The following KCNMB2 variants were observed in gnomAD, a reference collection of about 807,000 sequenced individuals.
The protein encoded by KCNMB2 is potassium calcium-activated channel subfamily M regulatory beta subunit 2.
A neutral mutation model predicts 24.5 loss-of-function variants in KCNMB2; 9 were observed. The observed-to-expected ratio is 0.37, with a 90% CI of 0.22 to 0.64. The LOEUF is 0.64. KCNMB2 is among the 30% of genes least tolerant of loss of function. The pLI, the probability that KCNMB2 is intolerant of heterozygous loss-of-function variation, is 0.63. For synonymous variants in KCNMB2, 109 were observed against 104.4 expected, an observed-to-expected ratio of 1.04 and a Z score of -0.27; for missense variants, 226 against 284.3, an observed-to-expected ratio of 0.79 and a Z score of 1.47.
chr3:178,756,145 G>C (rs1577152812), intron 1 of KCNMB2, among the ~76,000 whole-genome samples: 1 of 152,046 alleles, frequency 6.6e-6, no homozygotes, highest in Non-Finnish European at 1.5e-5. Flanking sequence ...TTATAAAATT[G>C]TGAAAAGCAT....
At chr3:178,575,500 T>C (rs1314621605) in intron 1 of KCNMB2, among the ~76,000 whole-genome samples, 2 of 152,134 alleles carry the variant, frequency 1.3e-5, no homozygotes, top group African/African-American at 4.8e-5. Context: ...AAAGATACCA[T>C]CTAGTGATAG....
At chr3:178,741,778 G>A (rs1288913092) in intron 1 of KCNMB2, among the ~76,000 whole-genome samples, 1 of 152,156 alleles carries the variant, frequency 6.6e-6, no homozygotes, top group African/African-American at 2.4e-5. Context: ...ACAGACCTTA[G>A]TAGATGCCTG....
At chr3:178,841,380 G>T (rs1388991566) in intron 4 of KCNMB2, among the ~76,000 whole-genome samples, 1 of 152,052 alleles carries the variant, frequency 6.6e-6, no homozygotes, top group African/African-American at 2.4e-5. Context: ...TCCAACTTCT[G>T]CCTGTTACCC....
intron 1 of KCNMB2, among the ~76,000 whole-genome samples, chr3:178,690,326 A>T (rs13092314): frequency 0.33 from 49,819 of 151,978 alleles, 8,888 homozygotes; most frequent in African/African-American, 0.47. Flanking sequence ...AGGGCAAAAA[A>T]AAAAGCCTCC....
chr3:178,772,270 G>A (rs186143492), intron 1 of KCNMB2, among the ~76,000 whole-genome samples: 44 of 152,270 alleles, frequency 2.9e-4, no homozygotes, highest in African/African-American at 8.9e-4. Flanking sequence ...ATGGTCAAAT[G>A]TCTATAATTT....
intron 1 of KCNMB2, among the ~76,000 whole-genome samples, chr3:178,733,761 G>T (rs536117982): frequency 6.6e-6 from 1 of 152,298 alleles, no homozygotes; most frequent in African/African-American, 2.4e-5. Context: ...TTACAGGCAT[G>T]AGCCACCGCA....
intron 1 of KCNMB2, among the ~76,000 whole-genome samples, chr3:178,663,481 C>T (rs950629265): frequency 1.3e-5 from 2 of 152,122 alleles, no homozygotes; most frequent in African/African-American, 4.8e-5. Context: ...AACTCTTAAA[C>T]TGCCACCTTA....
chr3:178,558,425 C>T (rs1247465560), intron 1 of KCNMB2, among the ~76,000 whole-genome samples: 1 of 152,154 alleles, frequency 6.6e-6, no homozygotes, highest in Non-Finnish European at 1.5e-5. Flanking sequence ...ATAGGAGCTG[C>T]AATTCTCTGG....
At chr3:178,839,028 C>A (rs1308592274) in intron 4 of KCNMB2, among the ~76,000 whole-genome samples, 1 of 151,904 alleles carries the variant, frequency 6.6e-6, no homozygotes, top group Non-Finnish European at 1.5e-5. Context: ...TGTCAGAAAC[C>A]AATTTAATTC....
At chr3:178,826,102 ATT>A in intron 3 of KCNMB2, among the ~76,000 whole-genome samples, 1 of 152,114 alleles carries the variant, frequency 6.6e-6, no homozygotes, top group South Asian at 2.1e-4. Flanking sequence ...CAGAGCTAAG[ATT>A]CAAGCCCACA....
chr3:178,568,824 AGATAGAT>A (rs1716644593), intron 1 of KCNMB2, among the ~76,000 whole-genome samples: 1 of 85,418 alleles, frequency 1.2e-5, no homozygotes, highest in South Asian at 4.2e-4. Flanking sequence ...GATAATAGAT[AGATAGAT>A]GATAGATAGA....
intron 1 of KCNMB2, among the ~76,000 whole-genome samples, chr3:178,624,194 T>A (rs1341991748): frequency 6.6e-6 from 1 of 151,482 alleles, no homozygotes. Flanking sequence ...CCTCAGAGAA[T>A]TAAATAAATA....
chr3:178,740,132 T>C (rs917987877), intron 1 of KCNMB2, among the ~76,000 whole-genome samples: 7 of 152,132 alleles, frequency 4.6e-5, no homozygotes, highest in Non-Finnish European at 1.0e-4. Context: ...TTTTCTTTTT[T>C]TTTTCAGACA....
At chr3:178,715,126 A>C (rs1722577621) in intron 1 of KCNMB2, among the ~76,000 whole-genome samples, 1 of 152,212 alleles carries the variant, frequency 6.6e-6, no homozygotes, top group Non-Finnish European at 1.5e-5. Context: ...GTCTGATTTG[A>C]ATAATGGCCT....
chr3:178,611,840 T>C lies in KCNMB2; in HGVS notation c.-68+75129T>C, dbSNP rs150200396. 9.0e-3 allele frequency among the ~76,000 whole-genome samples: 1,367 copies of C among 152,312 alleles called. 21 individuals are homozygous for C. The highest frequency in any genetic ancestry group is 0.032 in the African/African-American group (1,311 of 41,576). On this transcript the variant is annotated intron_variant, in intron 1 of 4. Coordinates refer to ENST00000452583, the MANE Select transcript of KCNMB2 (RefSeq NM_181361.3). ...TTTACTAGTTCTTTAAGATGCATTG[T>C]TAGATTGTAGATTTGAAGTTTCTTC...
chr3:178,661,385 A>G (rs1311275355), intron 1 of KCNMB2, among the ~76,000 whole-genome samples: 1 of 152,234 alleles, frequency 6.6e-6, no homozygotes, highest in East Asian at 1.9e-4. Flanking sequence ...TCTAGTCTAC[A>G]TTGATGGGCA....
intron 1 of KCNMB2, among the ~76,000 whole-genome samples, chr3:178,553,528 G>T (rs962990067): frequency 1.3e-5 from 2 of 150,706 alleles, no homozygotes; most frequent in African/African-American, 2.5e-5. Flanking sequence ...ATCAGCTTCA[G>T]AGAGATTCCT....
rs184765199 is a variant in KCNMB2, at chr3:178,727,129, T to C, written c.-67-80214T>C. Among the ~76,000 whole-genome samples the C allele has an allele frequency of 6.2e-3, 943 of 152,232 alleles. 6 individuals carry two copies. The highest frequency in any genetic ancestry group is 0.031 in the Middle Eastern group (9 of 294). On this transcript the variant is annotated intron_variant, in intron 1 of 4. Coordinates refer to ENST00000452583, the MANE Select transcript of KCNMB2 (RefSeq NM_181361.3). ...GTATTGAAGTAACAGGAAATAGCCA[T>C]ATACCCTTTTGAAATACCAAGGAAA... is the stretch of plus-strand genomic sequence containing the variant.
intron 1 of KCNMB2, among the ~76,000 whole-genome samples, chr3:178,642,799 G>T (rs1719774194): frequency 6.6e-6 from 1 of 152,158 alleles, no homozygotes; most frequent in South Asian, 2.1e-4. Context: ...TGTATCATTT[G>T]GTCTTATTTG....
Sources: gnomAD v4.1 joint callset for allele counts (sites outside exome capture counted in the v4.1 genomes callset) on GRCh38, gnomAD v4.1.1 for gene constraint, MANE v1.5 for transcripts, NCBI Gene and HGNC (gene_info 2026-07-23, HGNC 2026-07-21) for gene names.